Variants in NOS1 observed in about 807,000 individuals in gnomAD.
NOS1 encodes nitric oxide synthase 1, also known as NOS type I.
NOS1 carries 51 observed loss-of-function variants against 164.5 expected under a neutral mutation model. The ratio of observed to expected loss-of-function variants is 0.31; its 90% CI spans 0.25 to 0.39. The LOEUF is 0.39. Among genes scored for constraint, NOS1 ranks in the 10% least tolerant of loss-of-function variants. The pLI, the probability that NOS1 is intolerant of heterozygous loss-of-function variation, is 1.00. For missense variants in NOS1, 1,362 were observed against 1,885.6 expected (o/e 0.72, Z 5.14); for synonymous variants, 719 against 745.8 (o/e 0.96, Z 0.59).
intron 2 of NOS1, among the ~76,000 whole-genome samples, chr12:117,326,812 G>A (rs906273942): frequency 6.6e-6 from 1 of 152,196 alleles, no homozygotes; most frequent in Non-Finnish European, 1.5e-5. Context: ...GTTTGGAGAG[G>A]AGCCCCTTGG....
At chr12:117,359,688 C>T (rs1306536492) in intron 1 of NOS1, among the ~76,000 whole-genome samples, 1 of 151,528 alleles carries the variant, frequency 6.6e-6, no homozygotes, top group African/African-American at 2.4e-5. Flanking sequence ...TTGAGCTGGG[C>T]TATGGGAGTA....
In NOS1 at chr12:117,356,212, G is replaced by C. The variant is rs1435857700; in HGVS notation, c.-421+5300C>G. ...GTATGAATGACATGCTGGAGAGTCA[G>C]AGATGTTAATTCTCTCACTCTGAGT... On this transcript the variant is annotated intron_variant, in intron 1 of 28. Coordinates refer to ENST00000317775, the MANE Select transcript of NOS1 (RefSeq NM_000620.5). This position sits in a 1 kb window ranked among gnomAD's most constrained non-coding sequence, Gnocchi z 4.2. Among the ~76,000 whole-genome samples the C allele has an allele frequency of 6.6e-6, 1 of 152,190 alleles. No homozygotes were observed. Among genetic ancestry groups the C allele is most frequent in the East Asian group, 1.9e-4 (1 of 5,198 alleles).
intron 18 of NOS1, among the ~76,000 whole-genome samples, chr12:117,244,810 A>G (rs1387731896): frequency 1.3e-5 from 2 of 152,190 alleles, no homozygotes; most frequent in East Asian, 1.9e-4. Context: ...AAAAGACCAC[A>G]TATTATATGA....
At position 117,258,320 on chromosome 12, in the gene NOS1, T is replaced by C. The variant is rs957070634; in HGVS notation, c.2531+77A>G. On this transcript the variant is annotated intron_variant, in intron 16 of 28. Transcript: ENST00000317775. The stretch of plus-strand genomic sequence containing the variant: ...ACAGCCACCATCCAGAACTCAAATG[T>C]GAACCCCAGGTGCCAAAAGTCAATG... The C allele has an allele frequency of 2.1e-6, 3 of 1,434,530 alleles. No homozygotes were observed. The African/African-American group carries it at 4.2e-5, about 20-fold the overall frequency. The allele number at this position is 1,434,530 out of a possible 1,614,324, so 88.9% of individuals were successfully genotyped here.
intron 7 of NOS1, 58 bp from the exon 8 acceptor site, chr12:117,280,924 T>C: frequency 6.3e-7 from 1 of 1,578,808 alleles, no homozygotes; most frequent in Non-Finnish European, 8.6e-7. Context: ...TGTGGGAACA[T>C]ACTAAACATG....
intron 3 of NOS1, among the ~76,000 whole-genome samples, chr12:117,300,929 G>A (rs1423822263): frequency 6.6e-6 from 1 of 152,182 alleles, no homozygotes; most frequent in East Asian, 1.9e-4. Context: ...GATGGACTCT[G>A]CCAAAGCCAG....
chr12:117,235,372 C>A (rs528041760), intron 20 of NOS1, among the ~76,000 whole-genome samples: 38 of 152,124 alleles, frequency 2.5e-4, no homozygotes, highest in African/African-American at 8.7e-4. Flanking sequence ...ATTCTAGCAC[C>A]CCATTCTCAG....
In NOS1 at chr12:117,330,001, C is replaced by T. The variant is rs1038224120; in HGVS notation, c.725+344G>A. On this transcript the variant is annotated intron_variant, in intron 2 of 28. Transcript: ENST00000317775. This position sits in a 1 kb window ranked among gnomAD's most constrained non-coding sequence, Gnocchi z 4.6. ...AAGGGCAGCCTCCACTCCGAGCCTC[C>T]GTCTTCTCACTTGTGAAACATAGAT... Among the ~76,000 whole-genome samples, 11 of 152,176 alleles carry T rather than the reference C, an allele frequency of 7.2e-5. No homozygotes were observed. The highest frequency in any genetic ancestry group is 2.1e-4 in the South Asian group (1 of 4,836).
intron 7 of NOS1, among the ~76,000 whole-genome samples, chr12:117,282,523 T>C (rs1022370917): frequency 6.6e-6 from 1 of 152,220 alleles, no homozygotes; most frequent in African/African-American, 2.4e-5. Flanking sequence ...CAGCAACCCC[T>C]GTCTCATCTA....
chr12:117,214,940 G>A lies in NOS1; in HGVS notation c.*369C>T. On this transcript the variant is annotated 3_prime_UTR_variant, in exon 29 of 29. Transcript: ENST00000317775. ...TCAGTGGCTGAGGGACTGGCTCAGA[G>A]AGCTTGTGCCTAGTTCCTGCAGCCT... 2.9e-6 allele frequency: 3 copies of A among 1,047,872 alleles called. No individual in the cohort carries two copies. The highest frequency in any genetic ancestry group is 3.4e-6 in the Non-Finnish European group (3 of 871,068). 64.9% of individuals were successfully genotyped at this position (1,047,872 alleles called of 1,614,324 possible). A position where few individuals can be genotyped will look rare whatever the true frequency, so the allele number is the denominator to read the frequency against.
Position 117,259,024 on chromosome 12 carries a change from AC to A in NOS1, c.2472+1del. 1 of 1,608,072 alleles carries A rather than the reference AC, an allele frequency of 6.2e-7. No homozygotes were observed. ...TCTTGAACAGGTAAAAGCTCATCTCACCTCCCCATTCTCAGGGGGATCTCCA... is the reference window on the plus strand; with the variant it reads ...TCTTGAACAGGTAAAAGCTCATCTCACTCCCCATTCTCAGGGGGATCTCCA... On this transcript the variant is annotated splice_donor_variant, in intron 15 of 28. Transcript: ENST00000317775. LOFTEE classifies it high-confidence loss of function.
chr12:117,331,057 T>C lies in NOS1; in HGVS notation c.13A>G (p.Met5Val), dbSNP rs949530892. The stretch of plus-strand genomic sequence containing the variant: ...GGCTGGATTTGCTGAACACCGAACA[T>C]GTGATCCTCCATGGTAACTAGCTTC... MEDH[M>V]FGVQQIQPNV... is the part of the protein sequence containing the mutation. The change falls in exon 2 of 29, where the codon ATG (methionine) becomes GTG (valine). Residue 5 changes from methionine (M) to valine (V), a missense_variant. Coordinates refer to ENST00000317775, the MANE Select transcript of NOS1 (RefSeq NM_000620.5). 2 of 1,611,180 alleles carry C rather than the reference T, an allele frequency of 1.2e-6. No homozygotes were observed. The highest frequency in any genetic ancestry group is 2.2e-5 in the East Asian group (1 of 44,772).
intron 17 of NOS1, among the ~76,000 whole-genome samples, chr12:117,247,771 C>G (rs746701279): frequency 4.6e-5 from 7 of 151,830 alleles, no homozygotes; most frequent in African/African-American, 1.7e-4. Context: ...ACGGTGAAAC[C>G]CCGTCTCTAC....
In NOS1 at chr12:117,212,659, A is replaced by G; in HGVS notation, c.*2650T>C. The G allele has an allele frequency of 1.0e-6, 1 of 985,412 alleles. No individual in the cohort carries two copies. The allele number at this position is 985,412 out of a possible 1,614,324, so 61.0% of individuals were successfully genotyped here. The stretch of plus-strand genomic sequence containing the variant: ...GGAAGAGGGAAATAAATGGGCCATA[A>G]CCCGAATAACCCCCAAATATCTTGT... On this transcript the variant is annotated 3_prime_UTR_variant, in exon 29 of 29. Transcript: ENST00000317775.
intron 1 of NOS1, among the ~76,000 whole-genome samples, chr12:117,334,546 C>A (rs1875712899): frequency 6.6e-6 from 1 of 152,066 alleles, no homozygotes; most frequent in Non-Finnish European, 1.5e-5. Flanking sequence ...ACGGCTCCCG[C>A]CACCACACCT....
chr12:117,355,090 G>A lies in NOS1; in HGVS notation c.-421+6422C>T, dbSNP rs115538572. On this transcript the variant is annotated intron_variant, in intron 1 of 28. Transcript: ENST00000317775. ...TCTCGAGTATTATTTAATGCCAGTG[G>A]GCAAATGTTCCCAGCAGAAGCTGAA... Among the ~76,000 whole-genome samples the A allele has an allele frequency of 3.4e-3, 525 of 152,248 alleles. 2 individuals carry two copies. The highest frequency in any genetic ancestry group is 0.012 in the African/African-American group (487 of 41,548).
intron 1 of NOS1, among the ~76,000 whole-genome samples, chr12:117,355,454 C>T (rs1876813589): frequency 6.6e-6 from 1 of 152,068 alleles, no homozygotes; most frequent in African/African-American, 2.4e-5. Context: ...GGGTTGTAAA[C>T]TAAAATGCCT....
chr12:117,233,528 C>G (rs998713858), intron 21 of NOS1, among the ~76,000 whole-genome samples: 1 of 149,666 alleles, frequency 6.7e-6, no homozygotes, highest in Non-Finnish European at 1.5e-5. Flanking sequence ...ATGTCTCAGC[C>G]GGGTGCGGTG....
intron 3 of NOS1, among the ~76,000 whole-genome samples, chr12:117,303,294 T>TC (rs1873946754): frequency 6.6e-6 from 1 of 152,084 alleles, no homozygotes; most frequent in Non-Finnish European, 1.5e-5. Context: ...CGCAAGCCTG[T>TC]CCCCCACCTT....
Sources: allele counts gnomAD v4.1 joint callset (sites outside exome capture counted in the v4.1 genomes callset), GRCh38; gene constraint gnomAD v4.1.1; non-coding constraint Gnocchi (gnomAD v3.1); transcripts MANE v1.5; gene names NCBI Gene and HGNC (gene_info 2026-07-23, HGNC 2026-07-21).